The following LPGAT1 variants were observed in gnomAD, a reference collection of about 807,000 sequenced individuals.
The protein encoded by LPGAT1 is acyl-CoA:lysophosphatidylglycerol acyltransferase 1.
In LPGAT1, 11 loss-of-function variants were observed where a neutral mutation model predicts 47.5. That is an observed-to-expected ratio of 0.23 (90% CI 0.15 to 0.38). The LOEUF is 0.38. Among genes scored for constraint, LPGAT1 ranks in the 10% least tolerant of loss-of-function variants. The probability of loss-of-function intolerance (pLI) is 1.00; values close to 1 mark genes in which losing one functional copy is unlikely to be tolerated. For synonymous variants in LPGAT1, 138 were observed against 144.2 expected (o/e 0.96, Z 0.31); for missense variants, 293 against 439.0 (o/e 0.67, Z 2.97).
chr1:211,808,093 C>T (rs1290552063), intron 2 of LPGAT1, among the ~76,000 whole-genome samples: 3 of 152,148 alleles, frequency 2.0e-5, no homozygotes, highest in Non-Finnish European at 4.4e-5. Flanking sequence ...CGCCTGTAAT[C>T]CCAGCACTTT....
At chr1:211,817,010 G>C (rs575853923) in intron 2 of LPGAT1, among the ~76,000 whole-genome samples, 2 of 152,256 alleles carry the variant, frequency 1.3e-5, no homozygotes, top group South Asian at 4.1e-4. Flanking sequence ...GCTCAATTCA[G>C]AGTCTCATAT....
intron 6 of LPGAT1, among the ~76,000 whole-genome samples, chr1:211,772,199 G>C (rs12046116): frequency 0.11 from 17,381 of 152,176 alleles, 1,155 homozygotes; most frequent in South Asian, 0.21. Flanking sequence ...ATAGTTTGTC[G>C]TTTCTCCATT....
Position 211,829,643 on chromosome 1 carries a change from GAAA to G in LPGAT1, c.-27-323_-27-321del. Reference sequence around the variant, plus strand: ...TCACTGCGGTCGTCTATTGGACTTAGAAAAATAGATCCACTCGCTTCAGACAAC... The same window carrying G: ...TCACTGCGGTCGTCTATTGGACTTAGAATAGATCCACTCGCTTCAGACAAC... On this transcript the variant is annotated intron_variant, in intron 1 of 7. Transcript: ENST00000366997. The G allele has an allele frequency of 4.6e-6, 5 of 1,097,680 alleles. No homozygotes were observed. The South Asian group carries it at 1.1e-4, about 25-fold the overall frequency. The allele number at this position is 1,097,680 out of a possible 1,614,324, so 68.0% of individuals were successfully genotyped here. A position where few individuals can be genotyped will look rare whatever the true frequency, so the allele number is the denominator to read the frequency against.
chr1:211,827,563 T>TA (rs946710725), intron 2 of LPGAT1, among the ~76,000 whole-genome samples: 2 of 152,260 alleles, frequency 1.3e-5, no homozygotes, highest in African/African-American at 4.8e-5. Context: ...TAAGCTAATT[T>TA]AAAACAAGCA....
chr1:211,770,042 T>A (rs75904546), intron 6 of LPGAT1, among the ~76,000 whole-genome samples: 5,995 of 152,200 alleles, frequency 0.039, 147 homozygotes, highest in Middle Eastern at 0.11. Context: ...GAAATAAAAA[T>A]CTGTTAAGTA....
intron 3 of LPGAT1, chr1:211,792,397 T>C (rs1327655969): frequency 6.9e-6 from 1 of 145,126 alleles, no homozygotes; most frequent in East Asian, 1.9e-4. Flanking sequence ...GTGGCACCAC[T>C]GTGCCAGGCT....
intron 2 of LPGAT1, among the ~76,000 whole-genome samples, chr1:211,796,415 T>C (rs191237873): frequency 2.6e-5 from 4 of 152,120 alleles, no homozygotes; most frequent in Non-Finnish European, 4.4e-5. Flanking sequence ...GAGGCAGAGA[T>C]TGAAGTGACG....
At position 211,830,041 on chromosome 1, in the gene LPGAT1, C is replaced by T. The variant is rs1222448413; in HGVS notation, c.-28+532G>A. On this transcript the variant is annotated intron_variant, in intron 1 of 7. Coordinates refer to ENST00000366997, the MANE Select transcript of LPGAT1 (RefSeq NM_014873.3). The surrounding 1 kb of genome is among the most constrained non-coding windows in gnomAD (Gnocchi z 5.9). ...CTGGGGATGAAGAGAATGAGATTTCCGACCAGAGGGCAAGGAAGCAGGGGA... is the reference window on the plus strand; with the variant it reads ...CTGGGGATGAAGAGAATGAGATTTCTGACCAGAGGGCAAGGAAGCAGGGGA... 2.0e-6 allele frequency: 2 copies of T among 985,392 alleles called. No individual in the cohort carries two copies. The highest frequency in any genetic ancestry group is 2.4e-6 in the Non-Finnish European group (2 of 830,200). 61.0% of individuals were successfully genotyped at this position (985,392 alleles called of 1,614,324 possible). A position where few individuals can be genotyped will look rare whatever the true frequency, so the allele number is the denominator to read the frequency against.
At chr1:211,781,489 A>G (rs1437357099) in intron 5 of LPGAT1, among the ~76,000 whole-genome samples, 5 of 152,206 alleles carry the variant, frequency 3.3e-5, no homozygotes, top group Non-Finnish European at 7.3e-5. Context: ...TTCCTTTTCT[A>G]TTAAAAGACT....
At chr1:211,806,169 A>G (rs1659753943) in intron 2 of LPGAT1, among the ~76,000 whole-genome samples, 1 of 152,034 alleles carries the variant, frequency 6.6e-6, no homozygotes, top group Admixed American at 6.5e-5. Flanking sequence ...CTGAGACACA[A>G]GAATTGCTTG....
At chr1:211,808,722 T>C (rs1363736248) in intron 2 of LPGAT1, among the ~76,000 whole-genome samples, 1 of 152,164 alleles carries the variant, frequency 6.6e-6, no homozygotes, top group Non-Finnish European at 1.5e-5. Context: ...CTTCTGGATA[T>C]TTACCCTGGA....
At chr1:211,789,779 G>A (rs1214234926) in intron 3 of LPGAT1, among the ~76,000 whole-genome samples, 2 of 150,862 alleles carry the variant, frequency 1.3e-5, no homozygotes, top group Non-Finnish European at 1.5e-5. Context: ...ACTGAGGCAG[G>A]AGAACTGCCT....
At chr1:211,825,875 G>A (rs571559105) in intron 2 of LPGAT1, among the ~76,000 whole-genome samples, 2 of 152,146 alleles carry the variant, frequency 1.3e-5, no homozygotes, top group African/African-American at 4.8e-5. Flanking sequence ...CAGGAGAATC[G>A]CTTGAACTCG....
chr1:211,751,556 A>G (rs549853840), intron 6 of LPGAT1, among the ~76,000 whole-genome samples: 1 of 152,246 alleles, frequency 6.6e-6, no homozygotes, highest in African/African-American at 2.4e-5. Flanking sequence ...TACTGCTTTC[A>G]TGAATAGGGG....
intron 6 of LPGAT1, among the ~76,000 whole-genome samples, chr1:211,754,962 C>T (rs183055080): frequency 9.7e-4 from 146 of 149,756 alleles, no homozygotes; most frequent in Non-Finnish European, 1.8e-3. Context: ...TGCAGCAAGC[C>T]GCAATGGCGC....
At chr1:211,785,141 C>T (rs1024725493) in intron 4 of LPGAT1, among the ~76,000 whole-genome samples, 1 of 152,078 alleles carries the variant, frequency 6.6e-6, no homozygotes, top group Non-Finnish European at 1.5e-5. Context: ...CCAACATTTT[C>T]CAGCCAACAA....
At chr1:211,755,438 G>T (rs1657400157) in intron 6 of LPGAT1, among the ~76,000 whole-genome samples, 1 of 151,464 alleles carries the variant, frequency 6.6e-6, no homozygotes, top group Non-Finnish European at 1.5e-5. Context: ...AATCAGAAAA[G>T]AATATTACTT....
chr1:211,790,051 C>A (rs1659045136), intron 3 of LPGAT1, among the ~76,000 whole-genome samples: 1 of 152,114 alleles, frequency 6.6e-6, no homozygotes, highest in Non-Finnish European at 1.5e-5. Context: ...ATCAATTATT[C>A]TTTATCTGGA....
chr1:211,805,180 T>C (rs1659708034), intron 2 of LPGAT1, among the ~76,000 whole-genome samples: 1 of 149,598 alleles, frequency 6.7e-6, no homozygotes, highest in African/African-American at 2.5e-5. Flanking sequence ...ATACAAGTTA[T>C]CAAATTAATT....
Sources: gnomAD v4.1 joint callset for allele counts (sites outside exome capture counted in the v4.1 genomes callset) on GRCh38, gnomAD v4.1.1 for gene constraint, Gnocchi (gnomAD v3.1) non-coding constraint, MANE v1.5 for transcripts, NCBI Gene and HGNC (gene_info 2026-07-23, HGNC 2026-07-21) for gene names.